Variants in UST observed in about 807,000 individuals in gnomAD.
The protein encoded by UST is chondroitin sulfate 2-O-sulfotransferase.
A neutral mutation model predicts 45.6 loss-of-function variants in UST; 21 were observed. That is an observed-to-expected ratio of 0.46 (90% CI 0.33 to 0.66). The LOEUF (loss-of-function observed/expected upper bound fraction) is 0.66. Among genes scored for constraint, UST ranks in the 30% least tolerant of loss-of-function variants. The pLI is 0.02. For missense variants in UST, 463 were observed against 512.4 expected, an observed-to-expected ratio of 0.90 and a Z score of 0.93; for synonymous variants, 215 against 200.6, an observed-to-expected ratio of 1.07 and a Z score of -0.61.
At chr6:148,815,145 A>G (rs1777331771) in intron 1 of UST, among the ~76,000 whole-genome samples, 1 of 152,254 alleles carries the variant, frequency 6.6e-6, no homozygotes, top group Non-Finnish European at 1.5e-5. Flanking sequence ...GTAAAAAGCA[A>G]GGTACAAAGT....
chr6:148,787,454 C>G (rs142098858), intron 1 of UST, among the ~76,000 whole-genome samples: 1 of 152,152 alleles, frequency 6.6e-6, no homozygotes. Flanking sequence ...AAATCCTTTC[C>G]CCATTGCTTG....
intron 7 of UST, among the ~76,000 whole-genome samples, chr6:149,033,638 G>A (rs115600234): frequency 0.014 from 2,126 of 152,210 alleles, 48 homozygotes; most frequent in African/African-American, 0.048. Context: ...AAGAAGAGAG[G>A]GTTGTTTGTC....
chr6:148,862,243 A>C (rs1232032472), intron 1 of UST, among the ~76,000 whole-genome samples: 1 of 152,064 alleles, frequency 6.6e-6, no homozygotes, highest in Non-Finnish European at 1.5e-5. Flanking sequence ...TCCCTTTGCC[A>C]TTATGTAATG....
At chr6:148,867,664 A>T (rs1380450922) in intron 1 of UST, among the ~76,000 whole-genome samples, 1 of 152,086 alleles carries the variant, frequency 6.6e-6, no homozygotes, top group Non-Finnish European at 1.5e-5. Flanking sequence ...TCATGCTCTC[A>T]TCTGCCACCA....
chr6:148,847,202 C>G lies in UST; in HGVS notation c.248-39784C>G, dbSNP rs763869365. 4.1e-4 allele frequency among the ~76,000 whole-genome samples: 63 copies of G among 152,374 alleles called. 1 individual carries two copies. The highest frequency in any genetic ancestry group is 3.4e-3 in the Middle Eastern group (1 of 294). On this transcript the variant is annotated intron_variant, in intron 1 of 7. Transcript: ENST00000367463. ...ATTCATTGCAACACATACTTATTATCTCCAGGTTCCTGTGGGCCAGGAGTC... is the reference window on the plus strand; with the variant it reads ...ATTCATTGCAACACATACTTATTATGTCCAGGTTCCTGTGGGCCAGGAGTC...
chr6:148,928,208 C>A (rs1779854782), intron 2 of UST, among the ~76,000 whole-genome samples: 1 of 152,106 alleles, frequency 6.6e-6, no homozygotes, highest in South Asian at 2.1e-4. Context: ...GGGGCTCTTG[C>A]CCTCATTTTA....
intron 7 of UST, among the ~76,000 whole-genome samples, chr6:149,071,061 C>T (rs1212202122): frequency 1.3e-5 from 2 of 152,112 alleles, no homozygotes; most frequent in Admixed American, 6.6e-5. Context: ...CCACCATACC[C>T]GGCTCTTTTA....
At chr6:148,756,084 C>T (rs1436667303) in intron 1 of UST, among the ~76,000 whole-genome samples, 1 of 149,234 alleles carries the variant, frequency 6.7e-6, no homozygotes, top group Non-Finnish European at 1.5e-5. Flanking sequence ...TCAATTCCCA[C>T]CTATGAGTGA....
At chr6:148,829,700 G>A (rs1019223914) in intron 1 of UST, among the ~76,000 whole-genome samples, 65 of 152,080 alleles carry the variant, frequency 4.3e-4, no homozygotes, top group Non-Finnish European at 2.9e-5. Context: ...AATGGTTGGG[G>A]GTTCACTTTT....
intron 7 of UST, among the ~76,000 whole-genome samples, chr6:149,045,829 A>T (rs1776387009): frequency 6.6e-6 from 1 of 152,142 alleles, no homozygotes; most frequent in Non-Finnish European, 1.5e-5. Context: ...AGGGATGCAG[A>T]TTACTCCACA....
At chr6:148,773,393 A>G (rs1214131558) in intron 1 of UST, among the ~76,000 whole-genome samples, 1 of 151,954 alleles carries the variant, frequency 6.6e-6, no homozygotes, top group African/African-American at 2.4e-5. Context: ...CCCGGGAAGT[A>G]GAGGTTGCAG....
chr6:148,972,009 G>A (rs374571629), intron 5 of UST, among the ~76,000 whole-genome samples: 1 of 152,208 alleles, frequency 6.6e-6, no homozygotes, highest in African/African-American at 2.4e-5. Context: ...AGCAGCTCCA[G>A]GTGGGGTCAG....
At chr6:148,799,675 T>C (rs1777020797) in intron 1 of UST, among the ~76,000 whole-genome samples, 1 of 152,186 alleles carries the variant, frequency 6.6e-6, no homozygotes, top group Non-Finnish European at 1.5e-5. Flanking sequence ...TTTTCTCTTT[T>C]TTTCTTGCCA....
chr6:148,883,902 C>T (rs544387296), intron 1 of UST, among the ~76,000 whole-genome samples: 2 of 152,074 alleles, frequency 1.3e-5, no homozygotes, highest in Middle Eastern at 3.2e-3. Context: ...GAGCCCGAGG[C>T]GGGCAGATCA....
At chr6:148,773,816 A>C (rs1192168120) in intron 1 of UST, among the ~76,000 whole-genome samples, 2 of 152,180 alleles carry the variant, frequency 1.3e-5, no homozygotes, top group Non-Finnish European at 2.9e-5. Context: ...CCATGAACGC[A>C]AAGACTTCCA....
At chr6:148,939,267 C>T (rs902989180) in intron 2 of UST, among the ~76,000 whole-genome samples, 2 of 152,108 alleles carry the variant, frequency 1.3e-5, no homozygotes, top group African/African-American at 4.8e-5. Context: ...AGGTGGCTGT[C>T]GTAATCAAAT....
chr6:148,903,182 T>A (rs1779292839), intron 2 of UST, among the ~76,000 whole-genome samples: 1 of 152,206 alleles, frequency 6.6e-6, no homozygotes, highest in Non-Finnish European at 1.5e-5. Flanking sequence ...ATGCATTTTA[T>A]CTCTTTATCC....
At position 148,763,044 on chromosome 6, in the gene UST, G is replaced by T. The variant is rs955979776; in HGVS notation, c.247+15367G>T. Among the ~76,000 whole-genome samples the T allele has an allele frequency of 2.6e-5, 4 of 152,272 alleles. No individual in the cohort carries two copies. The East Asian group carries it at 7.7e-4, about 29-fold the overall frequency. ...AGTAGTGGGATTGCTGGGTCGAATG[G>T]TAGTTCGATTTTTAGTTCTTTGAGA... is the stretch of plus-strand genomic sequence containing the variant. On this transcript the variant is annotated intron_variant, in intron 1 of 7. Transcript: ENST00000367463.
At chr6:149,053,871 G>C (rs1467591366) in intron 7 of UST, among the ~76,000 whole-genome samples, 1 of 152,238 alleles carries the variant, frequency 6.6e-6, no homozygotes, top group East Asian at 1.9e-4. Flanking sequence ...TTTTTGGACA[G>C]TTGGTCACAG....
Sources: allele counts gnomAD v4.1 joint callset (sites outside exome capture counted in the v4.1 genomes callset), GRCh38; gene constraint gnomAD v4.1.1; transcripts MANE v1.5; gene names NCBI Gene and HGNC (gene_info 2026-07-23, HGNC 2026-07-21).